AFG2A: variants seen among roughly 807,000 people sequenced by gnomAD.
AFG2A encodes AAA ATPase AFG2A.
chr4:123,210,669 A>G, the AFG2A span, among the ~76,000 whole-genome samples: 50 of 151,878 alleles, frequency 3.3e-4, 1 homozygote, highest in African/African-American at 1.2e-3. Context: ...GCTCTTTGAT[A>G]TACTGATTTC....
the AFG2A span, among the ~76,000 whole-genome samples, chr4:123,196,471 A>G: frequency 6.6e-6 from 1 of 152,156 alleles, no homozygotes; most frequent in Admixed American, 6.5e-5. Context: ...TGTTAAACTC[A>G]TTGGATTATT....
the AFG2A span, among the ~76,000 whole-genome samples, chr4:123,068,546 A>G: frequency 6.6e-6 from 1 of 152,196 alleles, no homozygotes; most frequent in Admixed American, 6.6e-5. Flanking sequence ...GTAGCTCCAC[A>G]TAGATGCTAC....
the AFG2A span, among the ~76,000 whole-genome samples, chr4:123,159,182 A>G: frequency 2.0e-5 from 3 of 152,124 alleles, no homozygotes; most frequent in African/African-American, 7.2e-5. Context: ...GTTCTGAAAA[A>G]CTAATTCTGA....
At chr4:123,007,633 C>CATAT in the AFG2A span, among the ~76,000 whole-genome samples, 1 of 31,452 alleles carries the variant, frequency 3.2e-5, no homozygotes, top group African/African-American at 8.8e-5. Context: ...TATATATACA[C>CATAT]ACACACACAA....
At chr4:123,105,730 G>A in the AFG2A span, among the ~76,000 whole-genome samples, 1 of 152,178 alleles carries the variant, frequency 6.6e-6, no homozygotes, top group Non-Finnish European at 1.5e-5. Flanking sequence ...CAGCAAAAGA[G>A]CTAGAATTAG....
the AFG2A span, among the ~76,000 whole-genome samples, chr4:123,282,747 A>C: frequency 6.7e-6 from 1 of 148,302 alleles, no homozygotes; most frequent in South Asian, 2.2e-4. Flanking sequence ...TGTTCAAAGA[A>C]CTAAGAAGTC....
At chr4:123,136,850 A>G in the AFG2A span, among the ~76,000 whole-genome samples, 1 of 151,710 alleles carries the variant, frequency 6.6e-6, no homozygotes, top group Non-Finnish European at 1.5e-5. Context: ...CTCAAAAAAA[A>G]AAAAAAAGAA....
At chr4:123,152,429 C>G in the AFG2A span, among the ~76,000 whole-genome samples, 33 of 152,148 alleles carry the variant, frequency 2.2e-4, no homozygotes, top group Admixed American at 2.1e-3. Flanking sequence ...AGAAATCTAA[C>G]AACTGGATTT....
chr4:123,237,272 C>T, the AFG2A span, among the ~76,000 whole-genome samples: 2,102 of 152,196 alleles, frequency 0.014, 51 homozygotes, highest in African/African-American at 0.047. Flanking sequence ...TTTGCCAAAC[C>T]CTACAGAGGG....
At chr4:122,977,197 C>T in the AFG2A span, among the ~76,000 whole-genome samples, 81 of 152,274 alleles carry the variant, frequency 5.3e-4, no homozygotes, top group Admixed American at 4.4e-3. Context: ...CACCTCTGCC[C>T]GAGTTATATC....
the AFG2A span, among the ~76,000 whole-genome samples, chr4:123,020,943 A>G: frequency 6.6e-6 from 1 of 152,200 alleles, no homozygotes; most frequent in Non-Finnish European, 1.5e-5. Context: ...ACATTTAATA[A>G]ACATTACGAT....
the AFG2A span, among the ~76,000 whole-genome samples, chr4:123,025,582 G>A: frequency 2.6e-4 from 39 of 151,986 alleles, no homozygotes; most frequent in South Asian, 4.2e-4. Context: ...TTTGAAAGTT[G>A]TATGGGTTTT....
chr4:123,003,097 C>G, the AFG2A span, among the ~76,000 whole-genome samples: 3 of 151,938 alleles, frequency 2.0e-5, no homozygotes, highest in African/African-American at 4.8e-5. Context: ...TTGATCGCAT[C>G]GGCTCCTGAG....
At chr4:123,104,819 G>A in the AFG2A span, among the ~76,000 whole-genome samples, 13,667 of 152,250 alleles carry the variant, frequency 0.09, 802 homozygotes, top group Middle Eastern at 0.2. Flanking sequence ...AGGTCAGGAA[G>A]CTGCAGAAGA....
At chr4:123,206,881 C>T in the AFG2A span, among the ~76,000 whole-genome samples, 6 of 152,084 alleles carry the variant, frequency 3.9e-5, no homozygotes, top group Non-Finnish European at 5.9e-5. Context: ...AAAGAATTAA[C>T]GAAAAGTATC....
the AFG2A span, among the ~76,000 whole-genome samples, chr4:123,155,577 G>A: frequency 2.6e-5 from 4 of 151,214 alleles, no homozygotes; most frequent in East Asian, 3.9e-4. Flanking sequence ...TTGGGGTCGG[G>A]GAACAAAAAT....
chr4:123,005,880 A>G, the AFG2A span, among the ~76,000 whole-genome samples: 1 of 152,198 alleles, frequency 6.6e-6, no homozygotes, highest in South Asian at 2.1e-4. Flanking sequence ...GTAAACTTCA[A>G]AACATACTGT....
At chr4:123,007,641 CA>C in the AFG2A span, among the ~76,000 whole-genome samples, 51 of 16,200 alleles carry the variant, frequency 3.1e-3, 1 homozygote, top group South Asian at 0.024. Flanking sequence ...CACACACACA[CA>C]ACACACACAC....
chr4:123,214,308 G>A, the AFG2A span, among the ~76,000 whole-genome samples: 1 of 152,040 alleles, frequency 6.6e-6, no homozygotes, highest in African/African-American at 2.4e-5. Flanking sequence ...GGAAACGTGT[G>A]GGACAATAGT....
Sources: gnomAD v4.1 joint callset for allele counts (sites outside exome capture counted in the v4.1 genomes callset) on GRCh38, gnomAD v4.1.1 for gene constraint, MANE v1.5 for transcripts, NCBI Gene and HGNC (gene_info 2026-07-23, HGNC 2026-07-21) for gene names.